The following SNTN variants were observed in gnomAD, a reference collection of about 807,000 sequenced individuals.
SNTN encodes sentan, cilia apical structure protein, also known as sentan.
In SNTN, 13 loss-of-function variants were observed where a neutral mutation model predicts 12.3. The ratio of observed to expected loss-of-function variants is 1.05; its 90% CI spans 0.69 to 1.67. The LOEUF is 1.67. Ranked by LOEUF, SNTN falls within the 40% of genes most tolerant of loss-of-function variation. The probability of loss-of-function intolerance (pLI) is 0.00; values close to 1 mark genes in which losing one functional copy is unlikely to be tolerated. For missense variants in SNTN, 189 were observed against 169.8 expected (o/e 1.11, Z -0.63); for synonymous variants, 69 against 58.5 (o/e 1.18, Z -0.82).
chr3:63,662,346 C>G, intron 3 of SNTN, among the ~76,000 whole-genome samples: 1 of 152,184 alleles, frequency 6.6e-6, no homozygotes, highest in East Asian at 1.9e-4. Flanking sequence ...CTAAGGGGAA[C>G]ATTGCCTTTC....
At chr3:63,663,079 G>A (rs1013947068) in intron 3 of SNTN, among the ~76,000 whole-genome samples, 2 of 152,036 alleles carry the variant, frequency 1.3e-5, no homozygotes, top group Non-Finnish European at 2.9e-5. Context: ...TTAAGTCTTA[G>A]ATAACGAACC....
At position 63,664,304 on chromosome 3, in the gene SNTN, C is replaced by T; in HGVS notation, c.*209C>T. 4.0e-6 allele frequency: 2 copies of T among 505,996 alleles called. No individual in the cohort carries two copies. The highest frequency in any genetic ancestry group is 5.7e-5 in the South Asian group (2 of 34,862). 31.3% of individuals were successfully genotyped at this position (505,996 alleles called of 1,614,324 possible). ...AATGATAAGGTCTCTGTGTGCTTTA[C>T]AATAGGATAGATTTGATACCACTGA... On this transcript the variant is annotated 3_prime_UTR_variant, in exon 4 of 4. Transcript: ENST00000343837.
At chr3:63,662,775 G>T (rs1312881917) in intron 3 of SNTN, among the ~76,000 whole-genome samples, 1 of 152,192 alleles carries the variant, frequency 6.6e-6, no homozygotes, top group Non-Finnish European at 1.5e-5. Flanking sequence ...TGATGGCTTT[G>T]TACACCTAGC....
Position 63,663,969 on chromosome 3 carries a change from C to A in SNTN, c.318C>A (p.Ile106=). 17 of 1,613,178 alleles carry A rather than the reference C, an allele frequency of 1.1e-5. No homozygotes were observed. The highest frequency in any genetic ancestry group is 1.4e-5 in the Non-Finnish European group (17 of 1,179,772). ...GQETKPKYRE[I]LSELDEHTEN... ...AAACCAAGCCAAAATACAGAGAGAT[C>A]CTTTCTGAACTTGATGAGCACACAG... The change falls in exon 4 of 4, where the codon ATC becomes ATA. Residue 106 remains isoleucine (I), a synonymous_variant. Transcript: ENST00000343837.
chr3:63,659,797 C>G lies in SNTN; in HGVS notation c.218C>G (p.Ser73Cys). ...TALIFRNSSD[S>C]DGKLEKAIAK... Reference sequence around the variant, plus strand: ...CTGATTTTCAGAAATTCTTCTGACTCTGATGGTAAACTTGAAAAAGCTATT... The same window carrying G: ...CTGATTTTCAGAAATTCTTCTGACTGTGATGGTAAACTTGAAAAAGCTATT... The change falls in exon 3 of 4, where the codon TCT (serine) becomes TGT (cysteine). Residue 73 changes from serine to cysteine, a missense_variant. Coordinates refer to ENST00000343837, the MANE Select transcript of SNTN (RefSeq NM_001080537.2). 1.2e-6 allele frequency: 2 copies of G among 1,613,976 alleles called. No homozygotes were observed. Among genetic ancestry groups the G allele is most frequent in the Non-Finnish European group, 1.7e-6 (2 of 1,179,928 alleles).
rs1700780805 is a variant in SNTN at position 63,664,603 on chromosome 3, G to C, written c.*508G>C. On this transcript the variant is annotated 3_prime_UTR_variant, in exon 4 of 4. Transcript: ENST00000343837. ...AGGATGCTAAAAGAGATTATCACCTGATCGGAGTTCAAAGGTCAGAAAAGC... is the reference window on the plus strand; with the variant it reads ...AGGATGCTAAAAGAGATTATCACCTCATCGGAGTTCAAAGGTCAGAAAAGC... 1.3e-5 allele frequency: 2 copies of C among 151,500 alleles called. No homozygotes were observed. Among genetic ancestry groups the C allele is most frequent in the Admixed American group, 6.6e-5 (1 of 15,230 alleles). 9.4% of individuals were successfully genotyped at this position (151,500 alleles called of 1,614,324 possible).
Position 63,664,256 on chromosome 3 carries a change from C to A in SNTN, c.*161C>A. 3.2e-6 allele frequency: 2 copies of A among 631,394 alleles called. No individual in the cohort carries two copies. Among genetic ancestry groups the A allele is most frequent in the South Asian group, 2.2e-5 (1 of 45,768 alleles). 39.1% of individuals were successfully genotyped at this position (631,394 alleles called of 1,614,324 possible). On this transcript the variant is annotated 3_prime_UTR_variant, in exon 4 of 4. Transcript: ENST00000343837. ...GATCCAATGTAACTCCAAATATTTA[C>A]CCATACACTTCAAGAATGTTTGAAT...
chr3:63,657,455 T>C (rs1700692732), intron 2 of SNTN, among the ~76,000 whole-genome samples: 1 of 152,216 alleles, frequency 6.6e-6, no homozygotes, highest in South Asian at 2.1e-4. Context: ...CTGGGTTTAT[T>C]AAGGGAAGAA....
intron 2 of SNTN, among the ~76,000 whole-genome samples, chr3:63,658,357 T>C (rs752051265): frequency 2.6e-5 from 4 of 151,188 alleles, no homozygotes; most frequent in Non-Finnish European, 4.4e-5. Flanking sequence ...TGTAATTTTT[T>C]TCCTGTCTCT....
chr3:63,656,862 G>A (rs996947836), intron 2 of SNTN, among the ~76,000 whole-genome samples: 1 of 152,198 alleles, frequency 6.6e-6, no homozygotes, highest in Non-Finnish European at 1.5e-5. Context: ...GCATCTTGGA[G>A]TGAAACCAGA....
At chr3:63,663,449 A>G (rs1700764643) in intron 3 of SNTN, among the ~76,000 whole-genome samples, 1 of 152,144 alleles carries the variant, frequency 6.6e-6, no homozygotes, top group African/African-American at 2.4e-5. Flanking sequence ...ATTTACTATG[A>G]TTTGGATGTT....
intron 2 of SNTN, among the ~76,000 whole-genome samples, chr3:63,658,584 T>A (rs1208937087): frequency 6.6e-6 from 1 of 151,278 alleles, no homozygotes; most frequent in Non-Finnish European, 1.5e-5. Flanking sequence ...AAAAAAAAAA[T>A]AGGGACAAGG....
rs1495913 is a variant in SNTN, at chr3:63,660,747, C to T, written c.285+883C>T. 2.0e-4 allele frequency among the ~76,000 whole-genome samples: 31 copies of T among 152,024 alleles called. No individual in the cohort carries two copies. In the South Asian group the frequency reaches 6.0e-3, roughly 30 times the overall value. On this transcript the variant is annotated intron_variant, in intron 3 of 3. Transcript: ENST00000343837. ...TGGGATGGAGGTAGGGAGGAGATGG[C>T]GAGTTTCATTAGGTTGTGTCAGTGT...
chr3:63,654,374 G>A (rs1295240814), intron 1 of SNTN, among the ~76,000 whole-genome samples: 1 of 152,172 alleles, frequency 6.6e-6, no homozygotes, highest in Non-Finnish European at 1.5e-5. Flanking sequence ...AGTCACGTGA[G>A]ACACAGGATG....
At chr3:63,655,690 G>C (rs375090790) in intron 2 of SNTN, among the ~76,000 whole-genome samples, 3 of 151,632 alleles carry the variant, frequency 2.0e-5, no homozygotes, top group African/African-American at 7.3e-5. Flanking sequence ...TCCTTAAATC[G>C]GACCACTGAA....
intron 3 of SNTN, among the ~76,000 whole-genome samples, chr3:63,661,187 C>T (rs377054285): frequency 2.6e-5 from 4 of 152,050 alleles, no homozygotes; most frequent in African/African-American, 4.8e-5. Context: ...TACATTCTAT[C>T]GGCAGTATAT....
chr3:63,662,220 C>T (rs531260415), intron 3 of SNTN, among the ~76,000 whole-genome samples: 4 of 152,318 alleles, frequency 2.6e-5, no homozygotes, highest in East Asian at 3.9e-4. Context: ...GGTGCATTCA[C>T]GTGAGTCAAT....
At chr3:63,655,552 G>A (rs567851108) in intron 2 of SNTN, among the ~76,000 whole-genome samples, 2 of 152,132 alleles carry the variant, frequency 1.3e-5, no homozygotes, top group South Asian at 4.2e-4. Context: ...ACAACTTCAG[G>A]CACTTTTGAG....
At chr3:63,662,941 C>T (rs899657453) in intron 3 of SNTN, among the ~76,000 whole-genome samples, 1 of 152,108 alleles carries the variant, frequency 6.6e-6, no homozygotes, top group Non-Finnish European at 1.5e-5. Context: ...TATTAAGATG[C>T]TTTCCTTCAA....
Sources: gnomAD v4.1 joint callset for allele counts (sites outside exome capture counted in the v4.1 genomes callset) on GRCh38, gnomAD v4.1.1 for gene constraint, MANE v1.5 for transcripts, NCBI Gene and HGNC (gene_info 2026-07-23, HGNC 2026-07-21) for gene names.